Variants in FBXW4 observed in about 807,000 individuals in gnomAD.
FBXW4 encodes F-box/WD repeat-containing protein 4.
In FBXW4, 40 loss-of-function variants were observed where a neutral mutation model predicts 61.8. That is an observed-to-expected ratio of 0.65 (90% CI 0.50 to 0.84). The LOEUF is 0.84. Ranked by LOEUF, FBXW4 falls within the 40% of genes least tolerant of loss-of-function variation. FBXW4 has a pLI of 0.00. For missense variants in FBXW4, 672 were observed against 753.8 expected (o/e 0.89, Z 1.27); for synonymous variants, 311 against 313.8 (o/e 0.99, Z 0.10).
intron 5 of FBXW4, among the ~76,000 whole-genome samples, chr10:101,638,483 T>C (rs11191071): frequency 0.014 from 2,087 of 146,452 alleles, 24 homozygotes; most frequent in Non-Finnish European, 0.022. Context: ...ATACTGGATG[T>C]CCTGCAAAAA....
chr10:101,673,591 C>T lies in FBXW4; in HGVS notation c.904G>A (p.Asp302Asn). Residue 302 changes from aspartate to asparagine, a missense_variant, in exon 3 of 9, where the codon GAT becomes AAT. Asp to Asn is a conservative substitution (Grantham distance 23, BLOSUM62 1). Coordinates refer to ENST00000331272, the MANE Select transcript of FBXW4 (RefSeq NM_022039.4). ...GGCCGACGATTCAAGCTGGCACCAT[C>T]TGGACGGAACTGGTAGGCCAGGATG... is the stretch of plus-strand genomic sequence containing the variant. ...NFILAYQFRP[D>N]GASLNRRPLG... The T allele has an allele frequency of 1.2e-6, 2 of 1,614,048 alleles. No individual in the cohort carries two copies. Among genetic ancestry groups the T allele is most frequent in the Non-Finnish European group, 1.7e-6 (2 of 1,179,906 alleles).
chr10:101,628,725 G>A (rs945328600), intron 5 of FBXW4, among the ~76,000 whole-genome samples: 1 of 152,190 alleles, frequency 6.6e-6, no homozygotes, highest in Non-Finnish European at 1.5e-5. Context: ...GAGATGAGAG[G>A]TACCAACACC....
intron 5 of FBXW4, among the ~76,000 whole-genome samples, chr10:101,638,967 C>A (rs2064027574): frequency 6.6e-6 from 1 of 152,186 alleles, no homozygotes; most frequent in African/African-American, 2.4e-5. Context: ...GAAGTAGGAT[C>A]CATGACAATA....
intron 5 of FBXW4, among the ~76,000 whole-genome samples, chr10:101,651,697 C>A (rs2064147274): frequency 6.6e-6 from 1 of 152,024 alleles, no homozygotes; most frequent in Non-Finnish European, 1.5e-5. Flanking sequence ...CAGTGGTCAG[C>A]TGAGACCCCC....
At chr10:101,625,642 T>C (rs1209042872) in intron 5 of FBXW4, 2 of 152,288 alleles carry the variant, frequency 1.3e-5, no homozygotes, top group East Asian at 3.8e-4. Context: ...CCAGGCTGGC[T>C]GTAGTGCTGG....
intron 5 of FBXW4, among the ~76,000 whole-genome samples, chr10:101,637,745 C>G (rs1376066363): frequency 6.9e-6 from 1 of 145,966 alleles, no homozygotes; most frequent in African/African-American, 2.5e-5. Context: ...GTTTGTATAG[C>G]CAAAATTACC....
At position 101,648,286 on chromosome 10, in the gene FBXW4, G is replaced by A. The variant is rs150365665; in HGVS notation, c.1235+19600C>T. Reference sequence around the variant, plus strand: ...GCAAAAATTCTGGGCCTTTGATGAAGTCACAACAAGCATTGATTTGAGATG... The same window carrying A: ...GCAAAAATTCTGGGCCTTTGATGAAATCACAACAAGCATTGATTTGAGATG... On this transcript the variant is annotated intron_variant, in intron 5 of 8. Coordinates refer to ENST00000331272, the MANE Select transcript of FBXW4 (RefSeq NM_022039.4). Among the ~76,000 whole-genome samples the A allele has an allele frequency of 2.2e-3, 333 of 152,292 alleles. 1 individual carries two copies. The highest frequency in any genetic ancestry group is 7.8e-3 in the African/African-American group (324 of 41,546).
chr10:101,682,048 G>A (rs2064483539), intron 1 of FBXW4, among the ~76,000 whole-genome samples: 4 of 151,970 alleles, frequency 2.6e-5, no homozygotes, highest in African/African-American at 9.7e-5. Context: ...CACCTAAAAC[G>A]AAGTACAATA....
At chr10:101,693,007 G>A (rs958235493) in intron 1 of FBXW4, among the ~76,000 whole-genome samples, 3 of 152,172 alleles carry the variant, frequency 2.0e-5, no homozygotes, top group African/African-American at 7.2e-5. Context: ...AAAACAAGAA[G>A]ACCCCAGTAA....
chr10:101,687,621 T>G (rs2134919225), intron 1 of FBXW4, among the ~76,000 whole-genome samples: 1 of 152,236 alleles, frequency 6.6e-6, no homozygotes, highest in African/African-American at 2.4e-5. Context: ...AAGTTAGGGT[T>G]CCTATCAAAC....
At chr10:101,683,972 T>G (rs1235132621) in intron 1 of FBXW4, among the ~76,000 whole-genome samples, 1 of 152,170 alleles carries the variant, frequency 6.6e-6, no homozygotes, top group Non-Finnish European at 1.5e-5. Context: ...TTTAATTAAT[T>G]AATTTTTTTG....
In FBXW4 at chr10:101,631,874, A is replaced by T. The variant is rs141881853; in HGVS notation, c.1236-7064T>A. 6.6e-3 allele frequency among the ~76,000 whole-genome samples: 1,010 copies of T among 152,124 alleles called. 21 individuals are homozygous for T. The South Asian group carries it at 0.073, about 11-fold the overall frequency. On this transcript the variant is annotated intron_variant, in intron 5 of 8. Coordinates refer to ENST00000331272, the MANE Select transcript of FBXW4 (RefSeq NM_022039.4). Reference sequence around the variant, plus strand: ...GATCTCCTGACCTTGTGATCCACCCACCTTGGCCTCCCAAAGTGCTGGGAT... The same window carrying T: ...GATCTCCTGACCTTGTGATCCACCCTCCTTGGCCTCCCAAAGTGCTGGGAT...
intron 1 of FBXW4, among the ~76,000 whole-genome samples, chr10:101,686,771 G>C (rs2134917772): frequency 6.6e-6 from 1 of 152,234 alleles, no homozygotes; most frequent in East Asian, 1.9e-4. Flanking sequence ...GAAGGGATGA[G>C]GAGAATATGA....
At chr10:101,671,305 A>G (rs2064356541) in intron 4 of FBXW4, among the ~76,000 whole-genome samples, 1 of 152,202 alleles carries the variant, frequency 6.6e-6, no homozygotes. Flanking sequence ...CAGAGAAGAG[A>G]ATTCTGTCAC....
intron 6 of FBXW4, among the ~76,000 whole-genome samples, chr10:101,621,403 C>T (rs1017007080): frequency 6.6e-6 from 1 of 152,136 alleles, no homozygotes; most frequent in African/African-American, 2.4e-5. Flanking sequence ...TGGGGCATGT[C>T]TATAGTCCTA....
At chr10:101,691,637 A>C (rs2064604911) in intron 1 of FBXW4, among the ~76,000 whole-genome samples, 1 of 152,178 alleles carries the variant, frequency 6.6e-6, no homozygotes, top group Non-Finnish European at 1.5e-5. Context: ...AGCATTTGAA[A>C]ATAAACATCA....
chr10:101,691,138 A>G (rs1195084006), intron 1 of FBXW4, among the ~76,000 whole-genome samples: 1 of 152,038 alleles, frequency 6.6e-6, no homozygotes, highest in Non-Finnish European at 1.5e-5. Context: ...TCACTTATCT[A>G]GTCTGCAGTT....
chr10:101,631,815 G>T (rs2063960307), intron 5 of FBXW4, among the ~76,000 whole-genome samples: 1 of 152,112 alleles, frequency 6.6e-6, no homozygotes, highest in African/African-American at 2.4e-5. Flanking sequence ...TTTTAGTAGA[G>T]ATGGGGTTTC....
chr10:101,659,945 T>C (rs1012745347), intron 5 of FBXW4, among the ~76,000 whole-genome samples: 4 of 152,084 alleles, frequency 2.6e-5, no homozygotes, highest in African/African-American at 9.7e-5. Context: ...ATAATAATAA[T>C]AATCAAAAGG....
Sources: allele counts gnomAD v4.1 joint callset (sites outside exome capture counted in the v4.1 genomes callset), GRCh38; gene constraint gnomAD v4.1.1; transcripts MANE v1.5; gene names NCBI Gene and HGNC (gene_info 2026-07-23, HGNC 2026-07-21).